SNRPC: variants seen among roughly 807,000 people sequenced by gnomAD.
The protein encoded by SNRPC is small nuclear ribonucleoprotein polypeptide C.
SNRPC carries 5 observed loss-of-function variants against 20.0 expected under a neutral mutation model. That is an observed-to-expected ratio of 0.25 (90% CI 0.13 to 0.53). The LOEUF (loss-of-function observed/expected upper bound fraction) is 0.53. SNRPC is among the 20% of genes least tolerant of loss of function. The pLI is 0.96. For missense variants in SNRPC, 112 were observed against 224.1 expected (o/e 0.50, Z 3.19); for synonymous variants, 61 against 58.7 (o/e 1.04, Z -0.18).
intron 3 of SNRPC, among the ~76,000 whole-genome samples, chr6:34,766,223 T>G (rs1764612112): frequency 1.3e-5 from 2 of 151,958 alleles, no homozygotes; most frequent in Admixed American, 1.3e-4. Flanking sequence ...TTTTTAGAGA[T>G]AGAGTCTTAC....
At chr6:34,761,379 C>T (rs1424958761) in intron 2 of SNRPC, among the ~76,000 whole-genome samples, 1 of 152,036 alleles carries the variant, frequency 6.6e-6, no homozygotes, top group African/African-American at 2.4e-5. Context: ...ATCAGGTGAT[C>T]CGCACACTTT....
At chr6:34,772,193 G>A (rs753511369) in intron 5 of SNRPC, among the ~76,000 whole-genome samples, 4 of 152,082 alleles carry the variant, frequency 2.6e-5, no homozygotes, top group Non-Finnish European at 4.4e-5. Context: ...ATACATGGAT[G>A]TTCATTATAC....
At chr6:34,772,729 T>C (rs1229273031) in intron 5 of SNRPC, among the ~76,000 whole-genome samples, 1 of 152,178 alleles carries the variant, frequency 6.6e-6, no homozygotes, top group Non-Finnish European at 1.5e-5. Flanking sequence ...TAGAACATTA[T>C]CAATTCCATT....
chr6:34,766,020 C>T (rs1764609108), intron 3 of SNRPC, among the ~76,000 whole-genome samples: 1 of 151,216 alleles, frequency 6.6e-6, no homozygotes, highest in Non-Finnish European at 1.5e-5. Context: ...GGATTATAGG[C>T]ATGAGCCACC....
chr6:34,759,980 A>G (rs1764512513), intron 2 of SNRPC, among the ~76,000 whole-genome samples: 1 of 151,972 alleles, frequency 6.6e-6, no homozygotes, highest in Non-Finnish European at 1.5e-5. Flanking sequence ...CTGGCCAGTG[A>G]TTTTTCTATT....
Position 34,757,566 on chromosome 6 carries a change from G to T in SNRPC, c.8+15G>T. 6.2e-7 allele frequency: 1 copy of T among 1,612,022 alleles called. No homozygotes were observed. ...AACATGCCCAAGTGAGTGGGGCCCC[G>T]AAATCTGAGGGTGATCGTAGTCACT... On this transcript the variant is annotated intron_variant, in intron 1 of 5. Coordinates refer to ENST00000244520, the MANE Select transcript of SNRPC (RefSeq NM_003093.3).
intron 3 of SNRPC, among the ~76,000 whole-genome samples, chr6:34,765,067 C>T (rs1278599947): frequency 1.3e-5 from 2 of 152,052 alleles, no homozygotes; most frequent in African/African-American, 2.4e-5. Context: ...TCTGAATTTC[C>T]TCACCCTTCA....
chr6:34,761,584 G>A (rs565110615), intron 2 of SNRPC, among the ~76,000 whole-genome samples: 2 of 129,346 alleles, frequency 1.5e-5, no homozygotes, highest in Non-Finnish European at 3.1e-5. Flanking sequence ...GCAATGGCAT[G>A]ATCTTGGCTC....
At chr6:34,765,237 C>T (rs1047685495) in intron 3 of SNRPC, among the ~76,000 whole-genome samples, 6 of 152,164 alleles carry the variant, frequency 3.9e-5, no homozygotes, top group South Asian at 2.1e-4. Flanking sequence ...ACTAGATGCC[C>T]GTACCAACCT....
chr6:34,757,780 C>G, intron 1 of SNRPC, 132 bp from the exon 2 acceptor site: 2 of 1,590,194 alleles, frequency 1.3e-6, no homozygotes, highest in Non-Finnish European at 1.7e-6. Flanking sequence ...CGCTTTGATG[C>G]TTTTGAGTCG....
intron 3 of SNRPC, 33 bp from the exon 4 acceptor site, chr6:34,767,875 C>CTTTTTTTT: frequency 7.4e-7 from 1 of 1,343,338 alleles, no homozygotes; most frequent in Non-Finnish European, 9.8e-7. Flanking sequence ...TCTTATTCAT[C>CTTTTTTTT]TTTTTTTTTT....
intron 4 of SNRPC, among the ~76,000 whole-genome samples, chr6:34,769,741 T>C (rs1370915962): frequency 1.3e-5 from 2 of 152,192 alleles, no homozygotes; most frequent in Non-Finnish European, 2.9e-5. Flanking sequence ...TCTCAATTTT[T>C]TCTTAACCTA....
At chr6:34,763,547 G>A (rs1446355485) in intron 3 of SNRPC, among the ~76,000 whole-genome samples, 1 of 151,158 alleles carries the variant, frequency 6.6e-6, no homozygotes, top group South Asian at 2.1e-4. Context: ...GGGGCGTGGT[G>A]GTGCCTGCTT....
chr6:34,764,199 G>T (rs1415485285), intron 3 of SNRPC, among the ~76,000 whole-genome samples: 3 of 151,612 alleles, frequency 2.0e-5, no homozygotes, highest in African/African-American at 4.8e-5. Context: ...CAAAAAATTG[G>T]CCGGGCGTGG....
intron 4 of SNRPC, among the ~76,000 whole-genome samples, chr6:34,769,231 T>TTC (rs1554122503): frequency 2.4e-5 from 2 of 83,022 alleles, no homozygotes; most frequent in Non-Finnish European, 4.8e-5. Flanking sequence ...CTTTCTTTCT[T>TTC]TTTTTTTTTT....
chr6:34,766,260 G>T (rs1477498385), intron 3 of SNRPC, among the ~76,000 whole-genome samples: 1 of 151,504 alleles, frequency 6.6e-6, no homozygotes, highest in Non-Finnish European at 1.5e-5. Flanking sequence ...GAGTGCAGTG[G>T]CCTGATCATA....
intron 5 of SNRPC, among the ~76,000 whole-genome samples, chr6:34,771,676 G>A (rs1764693786): frequency 6.6e-6 from 1 of 152,188 alleles, no homozygotes; most frequent in Admixed American, 6.6e-5. Flanking sequence ...GGGAACAGAT[G>A]TGACCAACAC....
rs561158242 is a variant in SNRPC at position 34,772,361 on chromosome 6, C to G, written c.356-1085C>G. ...AGAAAACGAGTTTCCAGTTTTTAGT[C>G]TTTGGTCTATGTCCATCCATTTCCT... On this transcript the variant is annotated intron_variant, in intron 5 of 5. Transcript: ENST00000244520. Among the ~76,000 whole-genome samples, 8 of 152,258 alleles carry G rather than the reference C, an allele frequency of 5.3e-5. No individual in the cohort carries two copies. In the South Asian group the frequency reaches 1.7e-3, roughly 32 times the overall value.
At chr6:34,758,967 C>G (rs1316951130) in intron 2 of SNRPC, among the ~76,000 whole-genome samples, 1 of 146,254 alleles carries the variant, frequency 6.8e-6, no homozygotes, top group Non-Finnish European at 1.5e-5. Context: ...TTGCAGTGAG[C>G]CGAGATCCCG....
Sources: gnomAD v4.1 joint callset for allele counts (sites outside exome capture counted in the v4.1 genomes callset) on GRCh38, gnomAD v4.1.1 for gene constraint, MANE v1.5 for transcripts, NCBI Gene and HGNC (gene_info 2026-07-23, HGNC 2026-07-21) for gene names.